KCNIP4: variants seen among roughly 807,000 people sequenced by gnomAD.
The protein encoded by KCNIP4 is potassium voltage-gated channel interacting protein 4, also known as Kv channel-interacting protein 4.
A neutral mutation model predicts 34.0 loss-of-function variants in KCNIP4; 12 were observed. That is an observed-to-expected ratio of 0.35 (90% CI 0.23 to 0.57). The LOEUF (loss-of-function observed/expected upper bound fraction) is 0.57, where lower values mean the gene tolerates loss of function less well. Ranked by LOEUF, KCNIP4 falls within the 20% of genes least tolerant of loss-of-function variation. KCNIP4 has a pLI of 0.83. For synonymous variants in KCNIP4, 124 were observed against 102.2 expected (o/e 1.21, Z -1.29); for missense variants, 238 against 311.7 (o/e 0.76, Z 1.78).
chr4:21,205,987 AGCCAGCCT>A (rs774845830), intron 1 of KCNIP4, among the ~76,000 whole-genome samples: 8 of 152,216 alleles, frequency 5.3e-5, no homozygotes, highest in Non-Finnish European at 8.8e-5. Flanking sequence ...CTCTGTGCTC[AGCCAGCCT>A]GCCTCTGTAA....
At chr4:21,645,461 T>C (rs2109244919) in intron 1 of KCNIP4, among the ~76,000 whole-genome samples, 1 of 152,316 alleles carries the variant, frequency 6.6e-6, no homozygotes, top group African/African-American at 2.4e-5. Flanking sequence ...CTTGCAAAAG[T>C]CACTGTCCCT....
chr4:21,692,020 A>G (rs1034253961), intron 1 of KCNIP4, among the ~76,000 whole-genome samples: 1 of 152,086 alleles, frequency 6.6e-6, no homozygotes, highest in Non-Finnish European at 1.5e-5. Flanking sequence ...TTCTATGAAC[A>G]TGAGCTCCTC....
intron 1 of KCNIP4, among the ~76,000 whole-genome samples, chr4:21,696,659 A>C (rs1712349389): frequency 2.0e-5 from 3 of 152,188 alleles, no homozygotes; most frequent in Admixed American, 6.5e-5. Context: ...CATGAGCAAC[A>C]AAACTGTTGA....
chr4:20,990,245 C>T (rs188887216), intron 1 of KCNIP4, among the ~76,000 whole-genome samples: 1 of 152,162 alleles, frequency 6.6e-6, no homozygotes, highest in Non-Finnish European at 1.5e-5. Context: ...GCCTTTCTAT[C>T]TTGGGGTTTC....
At chr4:21,153,993 T>C (rs368175381) in intron 1 of KCNIP4, among the ~76,000 whole-genome samples, 1 of 148,168 alleles carries the variant, frequency 6.7e-6, no homozygotes, top group Admixed American at 6.7e-5. Flanking sequence ...AAAAAAAAAA[T>C]GGAAAAAAAA....
intron 1 of KCNIP4, among the ~76,000 whole-genome samples, chr4:21,308,842 G>C (rs1471487099): frequency 6.6e-6 from 1 of 151,996 alleles, no homozygotes; most frequent in East Asian, 1.9e-4. Flanking sequence ...TACTGAGGAG[G>C]GTGAGAGGCT....
chr4:21,922,007 C>T (rs1728965304), intron 1 of KCNIP4, among the ~76,000 whole-genome samples: 1 of 152,230 alleles, frequency 6.6e-6, no homozygotes, highest in South Asian at 2.1e-4. Context: ...ACTCATCTCA[C>T]ATCTCTCTGC....
At chr4:21,834,770 A>G (rs1304426631) in intron 1 of KCNIP4, among the ~76,000 whole-genome samples, 3 of 151,748 alleles carry the variant, frequency 2.0e-5, no homozygotes, top group Non-Finnish European at 4.4e-5. Flanking sequence ...ATGTCCCATC[A>G]ATACTTAATT....
chr4:20,864,227 T>C (rs1331266986), intron 2 of KCNIP4, among the ~76,000 whole-genome samples: 2 of 146,842 alleles, frequency 1.4e-5, no homozygotes, highest in East Asian at 2.0e-4. Flanking sequence ...TATATGCATA[T>C]ATATGTACAC....
rs142575444 is a variant in KCNIP4, at chr4:21,763,740, C to T, written c.61+184831G>A. On this transcript the variant is annotated intron_variant, in intron 1 of 8. Transcript: ENST00000382152. ...TAACATAAGTAGAATGCTTCTTCCA[C>T]TGTATATGCTAAATTTTTCATTTCA... Among the ~76,000 whole-genome samples, 6 of 152,282 alleles carry T rather than the reference C, an allele frequency of 3.9e-5. No homozygotes were observed. The East Asian group carries it at 1.2e-3, about 29-fold the overall frequency.
intron 1 of KCNIP4, among the ~76,000 whole-genome samples, chr4:21,446,155 A>T (rs1440065115): frequency 6.6e-6 from 1 of 152,168 alleles, no homozygotes; most frequent in African/African-American, 2.4e-5. Context: ...GAGAAACAGG[A>T]ACACTTTTAT....
At chr4:20,824,263 C>T (rs1717454599) in intron 3 of KCNIP4, among the ~76,000 whole-genome samples, 1 of 152,110 alleles carries the variant, frequency 6.6e-6, no homozygotes, top group East Asian at 1.9e-4. Flanking sequence ...TCACAATGGG[C>T]AAAATTATTT....
At chr4:20,989,436 A>C (rs184526914) in intron 1 of KCNIP4, among the ~76,000 whole-genome samples, 1 of 152,368 alleles carries the variant, frequency 6.6e-6, no homozygotes, top group African/African-American at 2.4e-5. Flanking sequence ...CTAGCTTTTC[A>C]TAATCCTTGA....
At chr4:21,745,338 T>C (rs545992117) in intron 1 of KCNIP4, among the ~76,000 whole-genome samples, 3 of 152,328 alleles carry the variant, frequency 2.0e-5, no homozygotes, top group East Asian at 1.9e-4. Context: ...CAGAAAGTAG[T>C]AGCTACTCTT....
At chr4:20,986,493 A>T (rs1736590999) in intron 1 of KCNIP4, among the ~76,000 whole-genome samples, 1 of 152,222 alleles carries the variant, frequency 6.6e-6, no homozygotes, top group South Asian at 2.1e-4. Context: ...AAAGTTAAAA[A>T]AAAATTACAG....
At chr4:21,016,654 C>T (rs139054695) in intron 1 of KCNIP4, among the ~76,000 whole-genome samples, 2,800 of 151,956 alleles carry the variant, frequency 0.018, 79 homozygotes, top group African/African-American at 0.063. Flanking sequence ...ACACGGTTGC[C>T]TAGGCTGGAG....
chr4:21,871,287 C>A (rs2109366350), intron 1 of KCNIP4, among the ~76,000 whole-genome samples: 1 of 132,952 alleles, frequency 7.5e-6, no homozygotes, highest in African/African-American at 2.8e-5. Context: ...CCACAACAGG[C>A]CCCGGTGTGT....
In KCNIP4 at chr4:20,818,696, AT is replaced by A. The variant is rs776253131; in HGVS notation, c.288+31846del. ...CTTTTCTGCAAATTATAACATTAAT[AT>A]GCTTGAGTTCAGCCATTGGGAAATT... is the stretch of plus-strand genomic sequence containing the variant. On this transcript the variant is annotated intron_variant, in intron 3 of 8. Coordinates refer to ENST00000382152, the MANE Select transcript of KCNIP4 (RefSeq NM_025221.6). 1.1e-3 allele frequency among the ~76,000 whole-genome samples: 168 copies of A among 152,302 alleles called. 2 individuals carry two copies. The highest frequency in any genetic ancestry group is 1.9e-3 in the Non-Finnish European group (128 of 68,028).
At chr4:21,738,136 T>TAAAA (rs367974600) in intron 1 of KCNIP4, among the ~76,000 whole-genome samples, 9 of 96,730 alleles carry the variant, frequency 9.3e-5, no homozygotes, top group Admixed American at 9.2e-5. Context: ...AATAAATAAA[T>TAAAA]AATAAATAAA....
Sources: gnomAD v4.1 joint callset for allele counts (sites outside exome capture counted in the v4.1 genomes callset) on GRCh38, gnomAD v4.1.1 for gene constraint, MANE v1.5 for transcripts, NCBI Gene and HGNC (gene_info 2026-07-23, HGNC 2026-07-21) for gene names.